CENPS: variants seen among roughly 807,000 people sequenced by gnomAD.
CENPS encodes the protein centromere protein S.
A neutral mutation model predicts 17.9 loss-of-function variants in CENPS; 16 were observed. That is an observed-to-expected ratio of 0.90 (90% CI 0.61 to 1.36). The LOEUF (loss-of-function observed/expected upper bound fraction) is 1.36. Among genes scored for constraint, CENPS ranks in the 40% most tolerant of loss-of-function variants. The pLI, the probability that CENPS is intolerant of heterozygous loss-of-function variation, is 0.00. For synonymous variants in CENPS, 49 were observed against 55.8 expected, an observed-to-expected ratio of 0.88 and a Z score of 0.54; for missense variants, 160 against 158.6, an observed-to-expected ratio of 1.01 and a Z score of -0.05.
At chr1:10,432,183 G>A (rs185066273) in intron 1 of CENPS, among the ~76,000 whole-genome samples, 4 of 152,096 alleles carry the variant, frequency 2.6e-5, no homozygotes, top group African/African-American at 9.6e-5. Context: ...CACCTCCCAG[G>A]TTCAGGAGAT....
At chr1:10,432,795 T>C (rs911538461) in intron 1 of CENPS, among the ~76,000 whole-genome samples, 5 of 152,148 alleles carry the variant, frequency 3.3e-5, no homozygotes, top group African/African-American at 1.2e-4. Flanking sequence ...CTCAAGAGGC[T>C]GAGGCAGGAG....
chr1:10,434,996 CATGT>C (rs1171975385), intron 3 of CENPS, among the ~76,000 whole-genome samples: 5 of 152,146 alleles, frequency 3.3e-5, no homozygotes, highest in South Asian at 2.1e-4. Context: ...TATTAAAAAC[CATGT>C]CTTCGGGTGG....
intron 3 of CENPS, among the ~76,000 whole-genome samples, chr1:10,438,579 G>A (rs543191010): frequency 9.2e-5 from 14 of 152,176 alleles, no homozygotes; most frequent in South Asian, 4.1e-4. Flanking sequence ...TTTAAAGCCC[G>A]TGTTACAAAG....
rs770578965 is a variant in CENPS, at chr1:10,433,827, G to T, written c.52-15G>T. On this transcript the variant is annotated splice_polypyrimidine_tract_variant and intron_variant, in intron 1 of 4. Transcript: ENST00000309048. ...TGCAGCCTTACCCGTGAAATATTTT[G>T]ATGTTTTTCCCCAGAGGCTAAAGGC... 3.7e-6 allele frequency: 6 copies of T among 1,613,908 alleles called. No homozygotes were observed. Among genetic ancestry groups the T allele is most frequent in the Non-Finnish European group, 5.1e-6 (6 of 1,179,916 alleles).
intron 3 of CENPS, among the ~76,000 whole-genome samples, chr1:10,435,706 T>TCCACACACAC (rs1640119303): frequency 7.1e-6 from 1 of 141,760 alleles, no homozygotes; most frequent in Admixed American, 7.2e-5. Context: ...AAAAATAATA[T>TCCACACACAC]ATATATATAT....
chr1:10,436,556 AT>A (rs914131727), intron 3 of CENPS, among the ~76,000 whole-genome samples: 1 of 141,602 alleles, frequency 7.1e-6, no homozygotes, highest in African/African-American at 2.7e-5. Context: ...AAAAAAAAAA[AT>A]TAGCTGGGCG....
chr1:10,441,570 T>A (rs905429075), intron 4 of CENPS, among the ~76,000 whole-genome samples: 1 of 145,680 alleles, frequency 6.9e-6, no homozygotes, highest in Non-Finnish European at 1.5e-5. Context: ...TGCCCTGGAC[T>A]CCCAAAGTGC....
chr1:10,435,726 C>CACACACACACACACAA (rs1163875015), intron 3 of CENPS, among the ~76,000 whole-genome samples: 15 of 151,250 alleles, frequency 9.9e-5, no homozygotes, highest in African/African-American at 3.4e-4. Context: ...TACACACACA[C>CACACACACACACACAA]ACACACACAC....
chr1:10,435,613 C>A (rs1465138599), intron 3 of CENPS, among the ~76,000 whole-genome samples: 4 of 151,414 alleles, frequency 2.6e-5, no homozygotes, highest in African/African-American at 9.7e-5. Flanking sequence ...TTATGTGTGG[C>A]CCTCCTCCCC....
At chr1:10,439,443 C>T (rs897508846) in intron 3 of CENPS, among the ~76,000 whole-genome samples, 3 of 152,098 alleles carry the variant, frequency 2.0e-5, no homozygotes, top group Non-Finnish European at 4.4e-5. Flanking sequence ...GAAGCAGACT[C>T]CAGTTTAAAG....
chr1:10,434,800 T>G (rs1640074625), intron 3 of CENPS, 110 bp downstream of exon 3: 1 of 1,386,986 alleles, frequency 7.2e-7, no homozygotes, highest in Non-Finnish European at 9.5e-7. Flanking sequence ...TCCGTGTGTT[T>G]TGTGGAGGCT....
chr1:10,437,295 AC>A (rs1640207125), intron 3 of CENPS, among the ~76,000 whole-genome samples: 1 of 151,904 alleles, frequency 6.6e-6, no homozygotes, highest in Non-Finnish European at 1.5e-5. Context: ...TGTTGGTATT[AC>A]AGGCATGAGC....
At chr1:10,436,544 C>A (rs1570039190) in intron 3 of CENPS, among the ~76,000 whole-genome samples, 3 of 144,174 alleles carry the variant, frequency 2.1e-5, no homozygotes, top group African/African-American at 2.5e-5. Context: ...TCCTAAAATA[C>A]AAAAAAAAAA....
At chr1:10,435,822 CCT>C (rs1473215410) in intron 3 of CENPS, among the ~76,000 whole-genome samples, 10 of 151,904 alleles carry the variant, frequency 6.6e-5, no homozygotes, top group African/African-American at 2.4e-4. Context: ...AGCAATCCTG[CCT>C]TGGGCTCCCA....
Position 10,430,934 on chromosome 1 carries a change from C to T in CENPS, c.51+366C>T, listed in dbSNP as rs939461049. On this transcript the variant is annotated intron_variant, in intron 1 of 4. Transcript: ENST00000309048. ...AGACATTCCAGGTGACGCCCGTACGCGGTGGGCGGTTCGGGCCGGAGCTCT... is the reference window on the plus strand; with the variant it reads ...AGACATTCCAGGTGACGCCCGTACGTGGTGGGCGGTTCGGGCCGGAGCTCT... 7 of 1,248,266 alleles carry T rather than the reference C, an allele frequency of 5.6e-6. No individual in the cohort carries two copies. The African/African-American group carries it at 9.5e-5, about 17-fold the overall frequency. The allele number at this position is 1,248,266 out of a possible 1,614,324, so 77.3% of individuals were successfully genotyped here.
intron 4 of CENPS, 110 bp from the exon 5 acceptor site, chr1:10,442,155 C>T: frequency 7.3e-7 from 1 of 1,366,546 alleles, no homozygotes; most frequent in South Asian, 1.6e-5. Context: ...CTTTTCTACC[C>T]AAATTCTTTG....
In CENPS at chr1:10,440,334, G is replaced by A; in HGVS notation, c.210-13G>A. The A allele has an allele frequency of 6.2e-7, 1 of 1,611,632 alleles. No individual in the cohort carries two copies. The highest frequency in any genetic ancestry group is 8.5e-7 in the Non-Finnish European group (1 of 1,179,280). The stretch of plus-strand genomic sequence containing the variant: ...CCAAACATTTTGGTGACTTGCTTCT[G>A]CCCTTTCTGCAGACATGCGAAAAGA... On this transcript the variant is annotated splice_polypyrimidine_tract_variant and intron_variant, in intron 3 of 4. Transcript: ENST00000309048.
At chr1:10,431,360 CTTT>C (rs992619948) in intron 1 of CENPS, 69 of 1,535,262 alleles carry the variant, frequency 4.5e-5, no homozygotes, top group Non-Finnish European at 5.8e-5. Flanking sequence ...TGCCCCTTGT[CTTT>C]TGAGAAGTTC....
chr1:10,438,340 T>C (rs1455789995), intron 3 of CENPS, among the ~76,000 whole-genome samples: 1 of 152,118 alleles, frequency 6.6e-6, no homozygotes, highest in Non-Finnish European at 1.5e-5. Flanking sequence ...AGACAGGGTT[T>C]CACTGTGTTG....
Sources: gnomAD v4.1 joint callset for allele counts (sites outside exome capture counted in the v4.1 genomes callset) on GRCh38, gnomAD v4.1.1 for gene constraint, MANE v1.5 for transcripts, NCBI Gene and HGNC (gene_info 2026-07-23, HGNC 2026-07-21) for gene names.